Variants in DYSF observed in about 807,000 individuals in gnomAD.
DYSF encodes the protein dysferlin, also known as dystrophy-associated fer-1-like 1.
DYSF carries 212 observed loss-of-function variants against 274.9 expected under a neutral mutation model. The ratio of observed to expected loss-of-function variants is 0.77; its 90% CI spans 0.69 to 0.86. DYSF has a LOEUF of 0.86. Among genes scored for constraint, DYSF ranks in the 40% least tolerant of loss-of-function variants. The pLI, the probability that DYSF is intolerant of heterozygous loss-of-function variation, is 0.00. For missense variants in DYSF, 2,666 were observed against 2,783.2 expected (o/e 0.96, Z 0.95); for synonymous variants, 1,091 against 1,078.7 (o/e 1.01, Z -0.22).
At chr2:71,610,295 A>G (rs557878090) in intron 36 of DYSF, among the ~76,000 whole-genome samples, 1 of 152,342 alleles carries the variant, frequency 6.6e-6, no homozygotes, top group East Asian at 1.9e-4. Flanking sequence ...TTATACAGGT[A>G]TTAACTTCCT....
rs772518246 is a variant in DYSF at position 71,570,314 on chromosome 2, A to G, written c.3065A>G (p.Asn1022Ser). The change falls in exon 28 of 56, where the codon AAC (asparagine) becomes AGC (serine). Residue 1022 changes from asparagine to serine, a missense_variant. Physicochemically the swap from Asn to Ser is conservative, Grantham distance 46 (BLOSUM62 1). This residue lies in a region of DYSF where 1,460 missense variants were observed against 1,502.1 expected (regional missense o/e 0.97). Transcript: ENST00000410020. ...WEDEEWSTDL[N>S]RAVDEQGWEY... ...GATGAGGAATGGTCCACAGACCTCAACCGGGCTGTCGATGAGCAAGGTGGG... is the reference window on the plus strand; with the variant it reads ...GATGAGGAATGGTCCACAGACCTCAGCCGGGCTGTCGATGAGCAAGGTGGG... 58 of 1,613,944 alleles carry G rather than the reference A, an allele frequency of 3.6e-5. No homozygotes were observed. Among genetic ancestry groups the G allele is most frequent in the Admixed American group, 8.3e-5 (5 of 59,998 alleles).
intron 13 of DYSF, among the ~76,000 whole-genome samples, chr2:71,527,013 T>A (rs553499311): frequency 6.6e-6 from 1 of 152,338 alleles, no homozygotes; most frequent in African/African-American, 2.4e-5. Context: ...CCCATCTGTG[T>A]GTTTAGTAAA....
chr2:71,500,894 A>C, intron 3 of DYSF, among the ~76,000 whole-genome samples: 1 of 150,264 alleles, frequency 6.7e-6, no homozygotes, highest in African/African-American at 2.5e-5. Flanking sequence ...TGAACAAGTC[A>C]CTCCCCTCTG....
intron 41 of DYSF, among the ~76,000 whole-genome samples, chr2:71,637,022 G>A (rs1347443184): frequency 2.6e-5 from 4 of 152,198 alleles, no homozygotes; most frequent in Non-Finnish European, 5.9e-5. Context: ...AATGTTTTGA[G>A]GGAGGACAGA....
chr2:71,523,423 G>A (rs1007422940), intron 12 of DYSF, among the ~76,000 whole-genome samples: 2 of 152,276 alleles, frequency 1.3e-5, no homozygotes, highest in South Asian at 4.1e-4. Context: ...GTTAGGGGAG[G>A]CAGAAAAGAC....
At chr2:71,475,001 C>G (rs989968791) in intron 1 of DYSF, among the ~76,000 whole-genome samples, 1 of 152,156 alleles carries the variant, frequency 6.6e-6, no homozygotes, top group Non-Finnish European at 1.5e-5. Flanking sequence ...GCAGCAGACA[C>G]TTTTATTATG....
chr2:71,649,832 C>T (rs944684962), intron 42 of DYSF, among the ~76,000 whole-genome samples: 3 of 152,160 alleles, frequency 2.0e-5, no homozygotes, highest in Non-Finnish European at 4.4e-5. Context: ...TAAATCAGAT[C>T]TCAGAGCAAA....
chr2:71,505,863 C>T (rs935595570), intron 4 of DYSF, among the ~76,000 whole-genome samples: 4 of 152,220 alleles, frequency 2.6e-5, no homozygotes, highest in African/African-American at 4.8e-5. Flanking sequence ...CAAGAGCCTA[C>T]GAAGCCCAGT....
At chr2:71,586,625 C>T (rs1049883962) in intron 30 of DYSF, among the ~76,000 whole-genome samples, 2 of 152,132 alleles carry the variant, frequency 1.3e-5, no homozygotes, top group African/African-American at 4.8e-5. Context: ...TGCCCTTGGA[C>T]AGAGACCCAG....
intron 33 of DYSF, 75 bp from the exon 34 acceptor site, chr2:71,600,626 TA>T: frequency 6.2e-7 from 1 of 1,606,216 alleles, no homozygotes; most frequent in Non-Finnish European, 8.5e-7. Context: ...AAGGCACATG[TA>T]GACCTGATCT....
At chr2:71,463,553 G>A (rs4542876), upstream of DYSF, among the ~76,000 whole-genome samples, 594 of 152,320 alleles carry the variant, frequency 3.9e-3, 4 homozygotes, top group Middle Eastern at 0.017. Flanking sequence ...TGCAGCCCAC[G>A]TCTTGGCAGT....
Position 71,668,798 on chromosome 2 carries a change from G to A in DYSF, c.5502G>A (p.Gly1834=). 1 of 1,613,998 alleles carries A rather than the reference G, an allele frequency of 6.2e-7. No homozygotes were observed. The highest frequency in any genetic ancestry group is 1.1e-5 in the South Asian group (1 of 91,030). ...MWVDLFPKAL[G]RPGPPFNITP... is the part of the protein sequence containing the mutation. Reference sequence around the variant, plus strand: ...TCGACCTATTTCCGAAGGCCCTGGGGCGGCCTGGACCTCCCTTCAACATCA... The same window carrying A: ...TCGACCTATTTCCGAAGGCCCTGGGACGGCCTGGACCTCCCTTCAACATCA... The change falls in exon 49 of 56, where the codon GGG becomes GGA. Residue 1834 remains glycine, a synonymous_variant. Coordinates refer to ENST00000410020, the MANE Select transcript of DYSF (RefSeq NM_001130987.2).
intron 51 of DYSF, among the ~76,000 whole-genome samples, chr2:71,671,456 C>T (rs2095119892): frequency 6.6e-6 from 1 of 152,242 alleles, no homozygotes; most frequent in Non-Finnish European, 1.5e-5. Flanking sequence ...GGGCTGCGCC[C>T]CCCGTGGCAC....
At chr2:71,465,537 G>A (rs1008584913), upstream of DYSF, among the ~76,000 whole-genome samples, 1 of 152,202 alleles carries the variant, frequency 6.6e-6, no homozygotes, top group East Asian at 1.9e-4. Flanking sequence ...ACTCAGGCCG[G>A]CTGTGTTACT....
In DYSF at chr2:71,570,734, T is replaced by C; in HGVS notation, c.3221T>C (p.Leu1074Pro). Residue 1074 changes from leucine (L) to proline (P), a missense_variant, in exon 29 of 56, where the codon CTG becomes CCG. Physicochemically the swap from Leu to Pro is moderately conservative, Grantham distance 98. This residue lies in a region of DYSF where 1,460 missense variants were observed against 1,502.1 expected (regional missense o/e 0.97). Coordinates refer to ENST00000410020, the MANE Select transcript of DYSF (RefSeq NM_001130987.2). Reference sequence around the variant, plus strand: ...AGGGATCTCAGCCAAATGGAAGCACTGAAAAGGGTGAGCCAGCAGGTGGTG... The same window carrying C: ...AGGGATCTCAGCCAAATGGAAGCACCGAAAAGGGTGAGCCAGCAGGTGGTG... ...RRRDLSQMEA[L>P]KRHRQAEAEG... is the part of the protein sequence containing the mutation. 6.2e-7 allele frequency: 1 copy of C among 1,613,790 alleles called. No individual in the cohort carries two copies. Among genetic ancestry groups the C allele is most frequent in the African/African-American group, 1.3e-5 (1 of 75,008 alleles).
intron 51 of DYSF, among the ~76,000 whole-genome samples, chr2:71,672,761 C>T (rs1310026890): frequency 1.3e-5 from 2 of 152,334 alleles, no homozygotes; most frequent in African/African-American, 2.4e-5. Context: ...TGCAGGCGGG[C>T]CTGCGGAGCT....
intron 3 of DYSF, among the ~76,000 whole-genome samples, chr2:71,494,642 G>A (rs1032872340): frequency 2.6e-5 from 4 of 152,170 alleles, no homozygotes; most frequent in African/African-American, 4.8e-5. Flanking sequence ...GGGCCACCAC[G>A]CATTGATCCC....
intron 32 of DYSF, among the ~76,000 whole-genome samples, chr2:71,591,729 C>T (rs954900637): frequency 6.6e-6 from 1 of 152,250 alleles, no homozygotes; most frequent in Non-Finnish European, 1.5e-5. Flanking sequence ...CACAGCAGGG[C>T]TCTGCAGCTG....
At chr2:71,488,100 T>C (rs918895763) in intron 3 of DYSF, among the ~76,000 whole-genome samples, 5 of 151,046 alleles carry the variant, frequency 3.3e-5, no homozygotes, top group East Asian at 1.9e-4. Flanking sequence ...TAAAACTTAA[T>C]GTCAACCAAA....
Sources: gnomAD v4.1 joint callset for allele counts (sites outside exome capture counted in the v4.1 genomes callset) on GRCh38, gnomAD v4.1.1 for gene constraint, gnomAD v4.1.1 regional missense constraint, MANE v1.5 for transcripts, NCBI Gene and HGNC (gene_info 2026-07-23, HGNC 2026-07-21) for gene names.